Variants in RBM46 observed in about 807,000 individuals in gnomAD.
RBM46 encodes the protein RNA binding motif protein 46, also known as probable RNA-binding protein 46.
Under a neutral mutation model 43.3 loss-of-function variants are expected in RBM46, and 12 were observed. That is an observed-to-expected ratio of 0.28 (90% CI 0.18 to 0.45). RBM46 has a LOEUF of 0.45. Among genes scored for constraint, RBM46 ranks in the 20% least tolerant of loss-of-function variants. The probability of loss-of-function intolerance (pLI) is 1.00; values close to 1 mark genes in which losing one functional copy is unlikely to be tolerated. For missense variants in RBM46, 412 were observed against 639.1 expected, an observed-to-expected ratio of 0.64 and a Z score of 3.83; for synonymous variants, 205 against 207.6, an observed-to-expected ratio of 0.99 and a Z score of 0.11.
chr4:154,822,208 AT>A (rs572753097), intron 4 of RBM46, among the ~76,000 whole-genome samples: 70 of 151,696 alleles, frequency 4.6e-4, no homozygotes, highest in Non-Finnish European at 8.4e-4. Context: ...GAAAACAAAC[AT>A]TTCTTTCACC....
intron 4 of RBM46, among the ~76,000 whole-genome samples, chr4:154,822,473 A>AT (rs2111213944): frequency 6.6e-6 from 1 of 151,780 alleles, no homozygotes. Context: ...ATTTATGCTT[A>AT]TATGATAGGT....
intron 4 of RBM46, chr4:154,827,265 T>G: frequency 2.1e-6 from 2 of 936,192 alleles, no homozygotes; most frequent in Non-Finnish European, 2.5e-6. Context: ...AATGGTTTTT[T>G]GAAGTTTATT....
rs156544 is a variant in RBM46, at chr4:154,781,297, C to G, written c.-151C>G. On this transcript the variant is annotated 5_prime_UTR_variant, in exon 1 of 5. Coordinates refer to ENST00000281722, the MANE Select transcript of RBM46 (RefSeq NM_144979.5). ...GGGAAACGAGTGGAGACACGAGGAC[C>G]AGCGCGAGCGGTCCCGGTGGGCTAC... The G allele has an allele frequency of 6.6e-6, 1 of 152,414 alleles. No individual in the cohort carries two copies. The highest frequency in any genetic ancestry group is 1.5e-5 in the Non-Finnish European group (1 of 68,122). The allele number at this position is 152,414 out of a possible 1,614,324, so 9.4% of individuals were successfully genotyped here.
At chr4:154,816,349 T>TTGG (rs1735442652) in intron 4 of RBM46, among the ~76,000 whole-genome samples, 2 of 152,070 alleles carry the variant, frequency 1.3e-5, no homozygotes, top group Non-Finnish European at 2.9e-5. Context: ...TTTTATAGTA[T>TTGG]TGGGTCTTCT....
chr4:154,824,958 C>T (rs916465027), intron 4 of RBM46, among the ~76,000 whole-genome samples: 7 of 152,048 alleles, frequency 4.6e-5, no homozygotes, highest in Non-Finnish European at 1.0e-4. Context: ...GTATCAATTA[C>T]ATAGATTTAT....
intron 4 of RBM46, among the ~76,000 whole-genome samples, chr4:154,826,482 A>C (rs890390531): frequency 2.6e-5 from 4 of 152,080 alleles, no homozygotes; most frequent in Admixed American, 6.6e-5. Flanking sequence ...AAGATAAATA[A>C]ATAAATAAAT....
chr4:154,792,769 C>T (rs931699332), intron 1 of RBM46, among the ~76,000 whole-genome samples: 2 of 152,084 alleles, frequency 1.3e-5, no homozygotes, highest in Non-Finnish European at 2.9e-5. Context: ...TATATGAGCA[C>T]CTGGCATATT....
At position 154,827,997 on chromosome 4, in the gene RBM46, C is replaced by T. The variant is rs1267677947; in HGVS notation, c.1532C>T (p.Thr511Ile). The change falls in exon 5 of 5, where the codon ACA (threonine) becomes ATA (isoleucine). Residue 511 changes from threonine (T) to isoleucine (I), a missense_variant. This residue lies in a region of RBM46 where 149 missense variants were observed against 156.3 expected (regional missense o/e 0.95). Coordinates refer to ENST00000281722, the MANE Select transcript of RBM46 (RefSeq NM_144979.5). ...YSYPGYPLSP[T>I]ISLANGSHVG... ...TATCCAGGCTATCCTTTGTCACCAA[C>T]AATATCACTTGCTAATGGCAGCCAT... 1.2e-6 allele frequency: 2 copies of T among 1,613,998 alleles called. No homozygotes were observed.
In RBM46 at chr4:154,827,917, T is replaced by A. The variant is rs577866364; in HGVS notation, c.1452T>A (p.Ala484=). ...SSINSLSPVS[A]TLSSGTPSVL... is the part of the protein sequence containing the mutation. ...TAAATAGTCTTTCCCCTGTTAGTGC[T>A]ACCCTCTCTTCTGGGACTCCCAGCG... Residue 484 remains alanine (A), a synonymous_variant, in exon 5 of 5, where the codon GCT becomes GCA. Transcript: ENST00000281722. The A allele has an allele frequency of 6.2e-7, 1 of 1,613,966 alleles. No homozygotes were observed. Among genetic ancestry groups the A allele is most frequent in the East Asian group, 2.2e-5 (1 of 44,860 alleles).
At chr4:154,788,990 G>A (rs1221876477) in intron 1 of RBM46, among the ~76,000 whole-genome samples, 2 of 152,068 alleles carry the variant, frequency 1.3e-5, no homozygotes, top group African/African-American at 4.8e-5. Context: ...TTTTATTGGT[G>A]TATAAGAATG....
chr4:154,786,349 A>T (rs1263288122), intron 1 of RBM46, among the ~76,000 whole-genome samples: 1 of 151,906 alleles, frequency 6.6e-6, no homozygotes, highest in Non-Finnish European at 1.5e-5. Context: ...TCATTCTCCC[A>T]AAGTGCTGGG....
At chr4:154,794,427 G>C (rs1440799266) in intron 1 of RBM46, among the ~76,000 whole-genome samples, 1 of 151,974 alleles carries the variant, frequency 6.6e-6, no homozygotes, top group Non-Finnish European at 1.5e-5. Context: ...TGATCTGCCT[G>C]CCTCGGCCTC....
chr4:154,820,363 A>T, intron 4 of RBM46: 1 of 1,521,090 alleles, frequency 6.6e-7, no homozygotes, highest in South Asian at 1.2e-5. Context: ...CTGCTTACAG[A>T]CAGGGAACAC....
At chr4:154,825,382 A>T (rs1735910939) in intron 4 of RBM46, among the ~76,000 whole-genome samples, 1 of 152,148 alleles carries the variant, frequency 6.6e-6, no homozygotes, top group Admixed American at 6.5e-5. Flanking sequence ...CATTTCATTC[A>T]TTGAAGTTTG....
chr4:154,799,228 G>C lies in RBM46; in HGVS notation c.1066G>C (p.Gly356Arg), dbSNP rs764785873. ...GCCAACTCTTCCTGCTCGTCTCAAT[G>C]GTCAGCATAGCCCAAGTCCGCCTGA... ...KLPTLPARLN[G>R]QHSPSPPEVE... Residue 356 changes from glycine (G) to arginine (R), a missense_variant, in exon 4 of 5, where the codon GGT becomes CGT. By Grantham distance (125) the Gly-to-Arg change is moderately radical (BLOSUM62 -2). Transcript: ENST00000281722. 3.7e-6 allele frequency: 6 copies of C among 1,614,130 alleles called. No homozygotes were observed. The East Asian group carries it at 1.3e-4, about 36-fold the overall frequency.
At chr4:154,817,177 A>C (rs1735483831) in intron 4 of RBM46, among the ~76,000 whole-genome samples, 1 of 152,024 alleles carries the variant, frequency 6.6e-6, no homozygotes, top group African/African-American at 2.4e-5. Context: ...TCTCTGTAAG[A>C]ATTTATATAA....
At chr4:154,821,188 G>C (rs1578951687) in intron 4 of RBM46, among the ~76,000 whole-genome samples, 1 of 151,642 alleles carries the variant, frequency 6.6e-6, no homozygotes, top group Non-Finnish European at 1.5e-5. Context: ...TTATACTTGA[G>C]ACTTAAAATT....
At chr4:154,819,327 G>A (rs1735614447) in intron 4 of RBM46, among the ~76,000 whole-genome samples, 1 of 152,086 alleles carries the variant, frequency 6.6e-6, no homozygotes, top group Non-Finnish European at 1.5e-5. Context: ...CTTGTTAGTA[G>A]CTCTTTAGTT....
chr4:154,824,944 T>C (rs1377850457), intron 4 of RBM46, among the ~76,000 whole-genome samples: 2 of 152,138 alleles, frequency 1.3e-5, no homozygotes, highest in Non-Finnish European at 2.9e-5. Flanking sequence ...ATATCTTGTT[T>C]TGAGTATCAA....
Sources: gnomAD v4.1 joint callset for allele counts (sites outside exome capture counted in the v4.1 genomes callset) on GRCh38, gnomAD v4.1.1 for gene constraint, gnomAD v4.1.1 regional missense constraint, MANE v1.5 for transcripts, NCBI Gene and HGNC (gene_info 2026-07-23, HGNC 2026-07-21) for gene names.